Variants in ACAD9 observed in about 807,000 individuals in gnomAD.
ACAD9 encodes the protein complex I assembly factor ACAD9, mitochondrial.
A neutral mutation model predicts 70.2 loss-of-function variants in ACAD9; 53 were observed. The observed-to-expected ratio is 0.75, with a 90% CI of 0.61 to 0.95. ACAD9 has a LOEUF of 0.95. Among genes scored for constraint, ACAD9 ranks in the 40% least tolerant of loss-of-function variants. The pLI is 0.00. For missense variants in ACAD9, 777 were observed against 802.8 expected (o/e 0.97, Z 0.39); for synonymous variants, 313 against 312.1 (o/e 1.00, Z -0.03).
Position 128,896,513 on chromosome 3 carries a change from C to T in ACAD9, c.531C>T (p.Ala177=), listed in dbSNP as rs1390927778. Residue 177 remains alanine (A), a synonymous_variant, in exon 5 of 18, where the codon GCC becomes GCT. Transcript: ENST00000308982. The stretch of plus-strand genomic sequence containing the variant: ...TGGCGTCCGGGGAGCACATTGCAGC[C>T]TTCTGCCTCACGGAGCCAGCCAGGT... ...PKLASGEHIA[A]FCLTEPASGS... is the part of the protein sequence containing the mutation. 2 of 1,614,204 alleles carry T rather than the reference C, an allele frequency of 1.2e-6. No individual in the cohort carries two copies. Among genetic ancestry groups the T allele is most frequent in the East Asian group, 2.2e-5 (1 of 44,884 alleles).
chr3:128,897,780 T>C (rs1935609040), intron 6 of ACAD9, 70 bp downstream of exon 6: 1 of 1,362,250 alleles, frequency 7.3e-7, no homozygotes, highest in Middle Eastern at 1.8e-4. Flanking sequence ...GTGAGCACTC[T>C]CCACACACCA....
At chr3:128,898,955 T>C (rs1301776367) in intron 6 of ACAD9, among the ~76,000 whole-genome samples, 2 of 152,230 alleles carry the variant, frequency 1.3e-5, no homozygotes, top group African/African-American at 2.4e-5. Context: ...TTTATATATG[T>C]ATACCTTAAG....
intron 5 of ACAD9, among the ~76,000 whole-genome samples, chr3:128,897,183 A>C (rs1217439395): frequency 6.6e-6 from 1 of 152,056 alleles, no homozygotes; most frequent in African/African-American, 2.4e-5. Context: ...GTTTTTTATA[A>C]ATAAGTTTTG....
At chr3:128,900,441 T>C (rs1032432417) in intron 7 of ACAD9, among the ~76,000 whole-genome samples, 37 of 152,138 alleles carry the variant, frequency 2.4e-4, no homozygotes, top group African/African-American at 8.4e-4. Context: ...GGTTTCACCA[T>C]GTTAGCCAGG....
chr3:128,879,677 G>A lies in ACAD9; in HGVS notation c.-15G>A. On this transcript the variant is annotated 5_prime_UTR_variant, in exon 1 of 18. Transcript: ENST00000308982. Reference sequence around the variant, plus strand: ...AAGGGGAGACTGAGGCTGAGGCTGGGGAACATCGGGCAGCATGAGCGGCTG... The same window carrying A: ...AAGGGGAGACTGAGGCTGAGGCTGGAGAACATCGGGCAGCATGAGCGGCTG... The A allele has an allele frequency of 6.2e-7, 1 of 1,612,138 alleles. No homozygotes were observed. Among genetic ancestry groups the A allele is most frequent in the Non-Finnish European group, 8.5e-7 (1 of 1,179,874 alleles).
rs1487959921 is a variant in ACAD9 at position 128,912,983 on chromosome 3, C to G, written c.*376C>G. 3 of 469,074 alleles carry G rather than the reference C, an allele frequency of 6.4e-6. No individual in the cohort carries two copies. The Admixed American group carries it at 7.0e-5, about 11-fold the overall frequency. 29.1% of individuals were successfully genotyped at this position (469,074 alleles called of 1,614,324 possible). On this transcript the variant is annotated 3_prime_UTR_variant, in exon 18 of 18. Transcript: ENST00000308982. Reference sequence around the variant, plus strand: ...GTGTGGATAGCCATTTCTGCTCAACCACACATTCTCTAAGAAACAGCTTGA... The same window carrying G: ...GTGTGGATAGCCATTTCTGCTCAACGACACATTCTCTAAGAAACAGCTTGA...
chr3:128,908,095 A>C, intron 12 of ACAD9, 90 bp from the exon 13 acceptor site: 2 of 1,229,612 alleles, frequency 1.6e-6, no homozygotes, highest in Non-Finnish European at 2.4e-6. Flanking sequence ...ATGGGCAAGC[A>C]GGCAGTGGCC....
chr3:128,898,367 CACAA>C (rs1935629280), intron 6 of ACAD9: 3 of 440,036 alleles, frequency 6.8e-6, no homozygotes, highest in East Asian at 1.4e-4. Context: ...TTTTAATAAA[CACAA>C]AGCCGTAATA....
chr3:128,894,497 C>G (rs919594659), intron 3 of ACAD9, among the ~76,000 whole-genome samples: 1 of 150,962 alleles, frequency 6.6e-6, no homozygotes, highest in African/African-American at 2.4e-5. Flanking sequence ...GAAGGATATA[C>G]ACAGAAATGC....
intron 1 of ACAD9, among the ~76,000 whole-genome samples, chr3:128,881,920 G>A (rs866752376): frequency 6.6e-6 from 1 of 152,176 alleles, no homozygotes; most frequent in Non-Finnish European, 1.5e-5. Context: ...GCCATCTGCT[G>A]GGTGACCTTA....
chr3:128,897,638 C>T lies in ACAD9; in HGVS notation c.561C>T (p.Ser187=), dbSNP rs140856522. 3.3e-5 allele frequency: 53 copies of T among 1,613,230 alleles called. No individual in the cohort carries two copies. The highest frequency in any genetic ancestry group is 1.1e-4 in the East Asian group (5 of 44,866). Residue 187 remains serine (S), a synonymous_variant, in exon 6 of 18, where the codon AGC becomes AGT. Coordinates refer to ENST00000308982, the MANE Select transcript of ACAD9 (RefSeq NM_014049.5). ...CATCTTTCTGCATCTGCAGTGGGAGCGATGCAGCCTCAATCCGGAGCAGAG... is the reference window on the plus strand; with the variant it reads ...CATCTTTCTGCATCTGCAGTGGGAGTGATGCAGCCTCAATCCGGAGCAGAG... ...AFCLTEPASG[S]DAASIRSRAT...
chr3:128,900,362 C>T lies in ACAD9; in HGVS notation c.808+901C>T, dbSNP rs550957701. ...ACGCCATTCTCCTGCCTCAGCCTCC[C>T]GAATAGCTGGGACTACAGCTGCCTG... On this transcript the variant is annotated intron_variant, in intron 7 of 17. Transcript: ENST00000308982. Among the ~76,000 whole-genome samples the T allele has an allele frequency of 3.3e-4, 50 of 152,268 alleles. 1 individual carries two copies. Among genetic ancestry groups the T allele is most frequent in the Middle Eastern group, 3.4e-3 (1 of 294 alleles).
chr3:128,885,983 C>T (rs927337890), intron 2 of ACAD9, among the ~76,000 whole-genome samples: 1 of 150,932 alleles, frequency 6.6e-6, no homozygotes, highest in African/African-American at 2.4e-5. Flanking sequence ...CACCACTGCA[C>T]TCCAGCCTGG....
At chr3:128,903,393 C>G (rs1181825831) in intron 9 of ACAD9, among the ~76,000 whole-genome samples, 1 of 152,210 alleles carries the variant, frequency 6.6e-6, no homozygotes, top group African/African-American at 2.4e-5. Context: ...AGGCTCAGGG[C>G]TCTTCTTACT....
At chr3:128,883,628 T>G (rs537102592) in intron 1 of ACAD9, among the ~76,000 whole-genome samples, 36 of 152,244 alleles carry the variant, frequency 2.4e-4, no homozygotes, top group African/African-American at 7.9e-4. Context: ...AGTGCTGGGA[T>G]TACAGGCGTG....
chr3:128,899,349 T>A lies in ACAD9; in HGVS notation c.696T>A (p.Val232=). 1 of 1,614,284 alleles carries A rather than the reference T, an allele frequency of 6.2e-7. No individual in the cohort carries two copies. Among genetic ancestry groups the A allele is most frequent in the Non-Finnish European group, 8.5e-7 (1 of 1,180,050 alleles). ...IFTVFAKTEV[V]DSDGSVKDKI... Reference sequence around the variant, plus strand: ...CTGTGTTTGCAAAGACTGAGGTCGTTGATTCTGATGGATCAGTGAAAGACA... The same window carrying A: ...CTGTGTTTGCAAAGACTGAGGTCGTAGATTCTGATGGATCAGTGAAAGACA... Residue 232 remains valine (V), a synonymous_variant, in exon 7 of 18, where the codon GTT becomes GTA. Coordinates refer to ENST00000308982, the MANE Select transcript of ACAD9 (RefSeq NM_014049.5).
chr3:128,909,271 G>C, intron 14 of ACAD9, 73 bp from the exon 15 acceptor site: 1 of 1,602,380 alleles, frequency 6.2e-7, no homozygotes, highest in Non-Finnish European at 8.5e-7. Flanking sequence ...TCTCTGCCTG[G>C]TACCCGGGCT....
chr3:128,896,240 G>A (rs555679174), intron 4 of ACAD9, among the ~76,000 whole-genome samples, 196 bp from the exon 5 acceptor site: 1 of 152,256 alleles, frequency 6.6e-6, no homozygotes, highest in Non-Finnish European at 1.5e-5. Flanking sequence ...ACAGGCTCAC[G>A]GCACTGGCAT....
At chr3:128,889,885 G>A (rs1344191345) in intron 2 of ACAD9, among the ~76,000 whole-genome samples, 1 of 152,038 alleles carries the variant, frequency 6.6e-6, no homozygotes, top group African/African-American at 2.4e-5. Flanking sequence ...GCAGTGGTGT[G>A]ATCATAGCTC....
Sources: gnomAD v4.1 joint callset for allele counts (sites outside exome capture counted in the v4.1 genomes callset) on GRCh38, gnomAD v4.1.1 for gene constraint, MANE v1.5 for transcripts, NCBI Gene and HGNC (gene_info 2026-07-23, HGNC 2026-07-21) for gene names.